ACAP3: variants seen among roughly 807,000 people sequenced by gnomAD.
ACAP3 encodes the protein arf-GAP with coiled-coil, ANK repeat and PH domain-containing protein 3.
In ACAP3, 56 loss-of-function variants were observed where a neutral mutation model predicts 104.1. The observed-to-expected ratio is 0.54, with a 90% CI of 0.43 to 0.67. The LOEUF (loss-of-function observed/expected upper bound fraction) is 0.67. ACAP3 is among the 30% of genes least tolerant of loss of function. The pLI is 0.00. For synonymous variants in ACAP3, 628 were observed against 496.2 expected (o/e 1.27, Z -3.53); for missense variants, 1,208 against 1,174.9 (o/e 1.03, Z -0.41).
At position 1,307,708 on chromosome 1, in the gene ACAP3, G is replaced by A. The variant is rs930763906; in HGVS notation, c.47+61C>T. The A allele has an allele frequency of 3.7e-6, 4 of 1,075,894 alleles. No homozygotes were observed. In the African/African-American group the frequency reaches 6.8e-5, roughly 18 times the overall value. 66.6% of individuals were successfully genotyped at this position (1,075,894 alleles called of 1,614,324 possible). The stretch of plus-strand genomic sequence containing the variant: ...GCTGACCTCCCCACCCCGCCGCCGG[G>A]CACAAAGGCGACAGCGACGCCCCCG... On this transcript the variant is annotated intron_variant, in intron 1 of 23. Coordinates refer to ENST00000354700, the MANE Select transcript of ACAP3 (RefSeq NM_030649.3).
At chr1:1,301,656 T>C (rs2477782) in intron 5 of ACAP3, 55,705 of 209,376 alleles carry the variant, frequency 0.27, 15,542 homozygotes, top group African/African-American at 0.73. Flanking sequence ...CTGACCCCGA[T>C]CATCTGCTCC....
chr1:1,300,688 C>T lies in ACAP3; in HGVS notation c.343G>A (p.Val115Met). Reference sequence around the variant, plus strand: ...TTCTTTGTCTCCTTGAACTTCCGCACATCCCTGGAGGCCAAGTGCCAGGTG... The same window carrying T: ...TTCTTTGTCTCCTTGAACTTCCGCATATCCCTGGAGGCCAAGTGCCAGGTG... ...QQLQSFVKEDVRKFKETKKQF... is the reference protein window; with the variant it reads ...QQLQSFVKEDMRKFKETKKQF... The change falls in exon 6 of 24, where the codon GTG becomes ATG. Residue 115 changes from valine to methionine, a missense_variant. Val to Met is a conservative substitution (Grantham distance 21). Transcript: ENST00000354700. The T allele has an allele frequency of 1.2e-6, 2 of 1,608,118 alleles. No individual in the cohort carries two copies. Among genetic ancestry groups the T allele is most frequent in the South Asian group, 2.2e-5 (2 of 90,300 alleles).
At chr1:1,307,636 G>A in intron 1 of ACAP3, 133 bp downstream of exon 1, 3 of 959,638 alleles carry the variant, frequency 3.1e-6, no homozygotes, top group Non-Finnish European at 3.9e-6. Flanking sequence ...CGCTTTGTCC[G>A]AGGCCGGTCC....
At chr1:1,301,051 G>A (rs1273549657) in intron 5 of ACAP3, among the ~76,000 whole-genome samples, 1 of 152,126 alleles carries the variant, frequency 6.6e-6, no homozygotes, top group Non-Finnish European at 1.5e-5. Flanking sequence ...ACAGGCGTGA[G>A]CCACTGCGCC....
rs766012508 is a variant in ACAP3 at position 1,293,939 on chromosome 1, G to A, written c.2250-6C>T. 5.1e-6 allele frequency: 8 copies of A among 1,573,220 alleles called. No homozygotes were observed. Among genetic ancestry groups the A allele is most frequent in the South Asian group, 1.1e-5 (1 of 88,104 alleles). On this transcript the variant is annotated splice_region_variant and splice_polypyrimidine_tract_variant and intron_variant, in intron 22 of 23. Coordinates refer to ENST00000354700, the MANE Select transcript of ACAP3 (RefSeq NM_030649.3). ...TCAGGAACAGGCAAACCTGGCTGAG[G>A]GGCGAGGTCGGAGGGGCGTGTCGGG...
intron 4 of ACAP3, 77 bp downstream of exon 4, chr1:1,302,845 G>T (rs569463433): frequency 2.6e-5 from 33 of 1,251,420 alleles, no homozygotes; most frequent in Non-Finnish European, 8.9e-6. Context: ...CCAACCCGAC[G>T]CCGGCCTTCA....
rs779748903 is a variant in ACAP3 at position 1,303,835 on chromosome 1, C to A, written c.105+251G>T. The A allele has an allele frequency of 7.0e-6, 4 of 574,014 alleles. No individual in the cohort carries two copies. The highest frequency in any genetic ancestry group is 6.2e-6 in the Non-Finnish European group (2 of 323,132). 35.6% of individuals were successfully genotyped at this position (574,014 alleles called of 1,614,324 possible). On this transcript the variant is annotated intron_variant, in intron 2 of 23. Coordinates refer to ENST00000354700, the MANE Select transcript of ACAP3 (RefSeq NM_030649.3). This position sits in a 1 kb window ranked among gnomAD's most constrained non-coding sequence, Gnocchi z 4.0. ...CCCAGCAGAGGGGACGGGCAGCCAC[C>A]GTGGGTCGGGGACTCACCACAGCCC...
In ACAP3 at chr1:1,300,563, G is replaced by T; in HGVS notation, c.468C>A (p.Ala156=). 1 of 1,612,020 alleles carries T rather than the reference G, an allele frequency of 6.2e-7. No individual in the cohort carries two copies. Among genetic ancestry groups the T allele is most frequent in the South Asian group, 1.1e-5 (1 of 91,010 alleles). The change falls in exon 6 of 24, where the codon GCC becomes GCA. Residue 156 remains alanine (A), a synonymous_variant. Transcript: ENST00000354700. ...RPHEVEEATG[A]LTLTRKCFRH... is the part of the protein sequence containing the mutation. ...GGAAGCACTTCCTGGTGAGGGTGAGGGCCCCGGTGGCTTCCTCCACCTCGT... is the reference window on the plus strand; with the variant it reads ...GGAAGCACTTCCTGGTGAGGGTGAGTGCCCCGGTGGCTTCCTCCACCTCGT...
rs1412347867 is a variant in ACAP3 at position 1,295,998 on chromosome 1, A to C, written c.1502+17T>G. 6.2e-7 allele frequency: 1 copy of C among 1,612,722 alleles called. No individual in the cohort carries two copies. The highest frequency in any genetic ancestry group is 1.7e-5 in the Admixed American group (1 of 60,012). On this transcript the variant is annotated intron_variant, in intron 17 of 23. Transcript: ENST00000354700. Reference sequence around the variant, plus strand: ...GGCTGGGGCTCCCTGACTGATCCAGACTGTACCCCACCTCACCGGGAGCTG... The same window carrying C: ...GGCTGGGGCTCCCTGACTGATCCAGCCTGTACCCCACCTCACCGGGAGCTG...
intron 6 of ACAP3, 30 bp from the exon 7 acceptor site, chr1:1,300,232 C>T (rs1174203339): frequency 6.3e-7 from 1 of 1,579,832 alleles, no homozygotes; most frequent in Non-Finnish European, 8.6e-7. Flanking sequence ...CAGGTGAGCC[C>T]CGGAGGCTGA....
chr1:1,297,197 G>A (rs1240074350), intron 14 of ACAP3, among the ~76,000 whole-genome samples: 1 of 125,218 alleles, frequency 8.0e-6, no homozygotes, highest in Non-Finnish European at 1.5e-5. Context: ...AGTGGCACGT[G>A]TGTGTGTGCA....
At position 1,307,793 on chromosome 1, in the gene ACAP3, C is replaced by A; in HGVS notation, c.23G>T (p.Cys8Phe). The A allele has an allele frequency of 9.2e-7, 1 of 1,084,264 alleles. No individual in the cohort carries two copies. The highest frequency in any genetic ancestry group is 1.1e-6 in the Non-Finnish European group (1 of 893,624). The allele number at this position is 1,084,264 out of a possible 1,614,324, so 67.2% of individuals were successfully genotyped here. Residue 8 changes from cysteine to phenylalanine, a missense_variant, in exon 1 of 24, where the codon TGC becomes TTC. Transcript: ENST00000354700. Reference sequence around the variant, plus strand: ...CCTGAAGCGCGGGGAGTCCTTGACGCACTCCTCGAACTCCACGGTCATGGC... The same window carrying A: ...CCTGAAGCGCGGGGAGTCCTTGACGAACTCCTCGAACTCCACGGTCATGGC... MTVEFEECVKDSPRFRAT... is the reference protein window; with the variant it reads MTVEFEEFVKDSPRFRAT...
At chr1:1,307,495 A>T (rs1557615183) in intron 1 of ACAP3, 2 of 1,244,762 alleles carry the variant, frequency 1.6e-6, no homozygotes, top group Non-Finnish European at 2.1e-6. Flanking sequence ...GTGGAGGTGC[A>T]GACACAGAGC....
At position 1,303,103 on chromosome 1, in the gene ACAP3, G is replaced by GCCTC; in HGVS notation, c.225+55_225+58dup. ...CTGGCCTGGACGCCCTCAAGGGGCT[G>GCCTC]CCTCCCTCGGCCTCTCCCCCAACCC... is the stretch of plus-strand genomic sequence containing the variant. On this transcript the variant is annotated intron_variant, in intron 3 of 23. Coordinates refer to ENST00000354700, the MANE Select transcript of ACAP3 (RefSeq NM_030649.3). The surrounding 1 kb of genome is among the most constrained non-coding windows in gnomAD (Gnocchi z 4.0). The GCCTC allele has an allele frequency of 6.4e-7, 1 of 1,557,874 alleles. No homozygotes were observed. Among genetic ancestry groups the GCCTC allele is most frequent in the East Asian group, 2.4e-5 (1 of 41,730 alleles).
At chr1:1,299,420 G>C (rs1641348280) in intron 9 of ACAP3, 64 bp from the exon 10 acceptor site, 1 of 1,466,718 alleles carries the variant, frequency 6.8e-7, no homozygotes, top group African/African-American at 1.5e-5. Flanking sequence ...GCCAACTCCT[G>C]GTGACTGGTG....
In ACAP3 at chr1:1,296,232, C is replaced by G. The variant is rs748289109; in HGVS notation, c.1386G>C (p.Ser462=). ...CSKVRSLTLD[S]WEPELLKLMC... ...GCACCTTTAGCAGCTCAGGCTCCCACGAGTCCAGCGTCAGGGACCGCACCT... is the reference window on the plus strand; with the variant it reads ...GCACCTTTAGCAGCTCAGGCTCCCAGGAGTCCAGCGTCAGGGACCGCACCT... Residue 462 remains serine (S), a synonymous_variant, in exon 16 of 24, where the codon TCG becomes TCC. Transcript: ENST00000354700. The G allele has an allele frequency of 2.6e-6, 4 of 1,566,658 alleles. No homozygotes were observed. The highest frequency in any genetic ancestry group is 2.3e-5 in the South Asian group (2 of 86,200).
intron 1 of ACAP3, chr1:1,304,824 GGAGAATC>G (rs1479845864): frequency 6.6e-6 from 1 of 152,436 alleles, no homozygotes; most frequent in Non-Finnish European, 1.5e-5. Context: ...AGCCTCGGCG[GGAGAATC>G]CCCGGAAGAC....
In ACAP3 at chr1:1,295,952, G is replaced by A. The variant is rs767185202; in HGVS notation, c.1503-14C>T. On this transcript the variant is annotated splice_polypyrimidine_tract_variant and intron_variant, in intron 17 of 23. Transcript: ENST00000354700. ...TCCTTGTCCTGCCTGGACCAGGGGG[G>A]AACATGAGGCTGTGCCCCCAGGCTG... is the stretch of plus-strand genomic sequence containing the variant. 4 of 1,612,616 alleles carry A rather than the reference G, an allele frequency of 2.5e-6. No homozygotes were observed. Among genetic ancestry groups the A allele is most frequent in the South Asian group, 2.2e-5 (2 of 91,086 alleles).
chr1:1,307,112 G>A (rs1419710229), intron 1 of ACAP3: 3 of 1,171,160 alleles, frequency 2.6e-6, no homozygotes, highest in Admixed American at 4.6e-5. Flanking sequence ...ATTGTCGTTT[G>A]CCAAATGTCC....
Sources: gnomAD v4.1 joint callset for allele counts (sites outside exome capture counted in the v4.1 genomes callset) on GRCh38, gnomAD v4.1.1 for gene constraint, Gnocchi (gnomAD v3.1) non-coding constraint, MANE v1.5 for transcripts, NCBI Gene and HGNC (gene_info 2026-07-23, HGNC 2026-07-21) for gene names.